Variants in ITGB6 observed in about 807,000 individuals in gnomAD.
The protein encoded by ITGB6 is integrin beta-6.
Under a neutral mutation model 84.5 loss-of-function variants are expected in ITGB6, and 80 were observed. The observed-to-expected ratio is 0.95, with a 90% CI of 0.79 to 1.14. The LOEUF is 1.14. Among genes scored for constraint, ITGB6 ranks in the 50% most tolerant of loss-of-function variants. The pLI is 0.00. For missense variants in ITGB6, 1,006 were observed against 968.0 expected (o/e 1.04, Z -0.52); for synonymous variants, 383 against 354.9 (o/e 1.08, Z -0.89).
chr2:160,158,852 G>A (rs1257690963), intron 7 of ITGB6, among the ~76,000 whole-genome samples: 1 of 152,182 alleles, frequency 6.6e-6, no homozygotes, highest in African/African-American at 2.4e-5. Context: ...TGTAATCCCA[G>A]CACTTTGGGA....
chr2:160,118,701 A>G (rs913909530), intron 12 of ITGB6, among the ~76,000 whole-genome samples: 8 of 151,290 alleles, frequency 5.3e-5, no homozygotes, highest in African/African-American at 1.4e-4. Context: ...AGGGTATTCA[A>G]TTAGGAAAAG....
intron 7 of ITGB6, among the ~76,000 whole-genome samples, chr2:160,144,103 A>C (rs557829368): frequency 3.3e-5 from 5 of 152,308 alleles, no homozygotes; most frequent in African/African-American, 1.2e-4. Context: ...CAGTGGCCTG[A>C]TCATAGCACA....
At chr2:160,177,809 A>G (rs942008517) in intron 4 of ITGB6, among the ~76,000 whole-genome samples, 6 of 152,190 alleles carry the variant, frequency 3.9e-5, no homozygotes, top group Admixed American at 3.9e-4. Context: ...AATTGCCCTT[A>G]GAGCACTTGA....
At chr2:160,129,330 G>C (rs1043234035) in intron 10 of ITGB6, among the ~76,000 whole-genome samples, 11 of 149,922 alleles carry the variant, frequency 7.3e-5, no homozygotes, top group Admixed American at 1.3e-4. Context: ...CACTAACATA[G>C]GTGTTGGATG....
chr2:160,118,669 A>C (rs552853633), intron 12 of ITGB6, among the ~76,000 whole-genome samples: 2 of 151,986 alleles, frequency 1.3e-5, no homozygotes, highest in East Asian at 3.9e-4. Context: ...GGCCAGGGCA[A>C]TTAGGCAGGA....
intron 10 of ITGB6, among the ~76,000 whole-genome samples, chr2:160,134,742 T>C (rs1683632857): frequency 6.6e-6 from 1 of 152,236 alleles, no homozygotes; most frequent in Non-Finnish European, 1.5e-5. Context: ...GATGCAAGGC[T>C]GATTCAACAT....
chr2:160,180,859 C>T (rs892802891), intron 4 of ITGB6, among the ~76,000 whole-genome samples: 1 of 152,122 alleles, frequency 6.6e-6, no homozygotes, highest in African/African-American at 2.4e-5. Flanking sequence ...CAGGGTGGGG[C>T]GTCACCTCAC....
intron 4 of ITGB6, among the ~76,000 whole-genome samples, chr2:160,184,783 G>T (rs555950299): frequency 2.6e-5 from 4 of 152,110 alleles, no homozygotes; most frequent in Admixed American, 2.6e-4. Flanking sequence ...TATCCACCAC[G>T]ATCAAGCTGG....
intron 12 of ITGB6, among the ~76,000 whole-genome samples, chr2:160,119,611 G>A (rs1335803246): frequency 6.6e-6 from 1 of 152,010 alleles, no homozygotes; most frequent in African/African-American, 2.4e-5. Flanking sequence ...CATGGGCAAG[G>A]ACTTCATGTC....
chr2:160,126,516 G>A lies in ITGB6; in HGVS notation c.1746C>T (p.Ser582=), dbSNP rs1244338987. ...AGAGCACTCCATCTTCAGAGACGCA[G>A]GAGTCCGTGCTGGTGGTGCAGTTGC... ...EYCNCTTSTD[S]CVSEDGVLCS... Residue 582 remains serine (S), a synonymous_variant, in exon 11 of 15, where the codon TCC becomes TCT. Transcript: ENST00000283249. The A allele has an allele frequency of 1.9e-6, 3 of 1,614,058 alleles. No individual in the cohort carries two copies. Among genetic ancestry groups the A allele is most frequent in the African/African-American group, 2.7e-5 (2 of 74,942 alleles).
chr2:160,102,249 AC>A (rs1696750327), intron 14 of ITGB6, among the ~76,000 whole-genome samples: 1 of 152,242 alleles, frequency 6.6e-6, no homozygotes, highest in African/African-American at 2.4e-5. Context: ...GAAAAGTGAA[AC>A]CAGTAGGAAC....
At chr2:160,116,349 GC>G (rs1156833014) in intron 12 of ITGB6, among the ~76,000 whole-genome samples, 20 of 149,562 alleles carry the variant, frequency 1.3e-4, no homozygotes, top group Admixed American at 7.3e-4. Flanking sequence ...GAGAGTGGGG[GC>G]CAATATTGAA....
At chr2:160,110,218 T>A (rs1697078879) in intron 13 of ITGB6, among the ~76,000 whole-genome samples, 1 of 152,184 alleles carries the variant, frequency 6.6e-6, no homozygotes, top group Non-Finnish European at 1.5e-5. Flanking sequence ...ACGTAATTAC[T>A]GCCAGACCTA....
intron 13 of ITGB6, 102 bp from the exon 14 acceptor site, chr2:160,107,947 G>C (rs1443444984): frequency 2.0e-6 from 2 of 976,058 alleles, no homozygotes; most frequent in Non-Finnish European, 3.0e-6. Flanking sequence ...TGCAGCAGAG[G>C]ATAAATATTG....
chr2:160,175,447 A>G (rs1045723488), intron 4 of ITGB6, among the ~76,000 whole-genome samples: 4 of 152,358 alleles, frequency 2.6e-5, no homozygotes, highest in Non-Finnish European at 4.4e-5. Flanking sequence ...CACATTCCCA[A>G]CTGGAATCAA....
intron 7 of ITGB6, among the ~76,000 whole-genome samples, chr2:160,167,560 A>G (rs546889878): frequency 7.2e-5 from 11 of 152,322 alleles, no homozygotes; most frequent in Middle Eastern, 3.4e-3. Flanking sequence ...AGATTAGAAG[A>G]CAGGCAAAAT....
intron 4 of ITGB6, among the ~76,000 whole-genome samples, chr2:160,193,742 A>G (rs968456640): frequency 1.3e-5 from 2 of 152,228 alleles, no homozygotes; most frequent in African/African-American, 2.4e-5. Context: ...GACTGTGAAC[A>G]TAAAATCCAA....
rs1194548328 is a variant in ITGB6, at chr2:160,137,668, A to G, written c.1426T>C (p.Cys476Arg). ...CCAGGGTGGCAGGCACACACCCCAC[A>G]CTGGAAAGAGCCGTTCCCGTGGTGA... ...KCHHGNGSFQ[C>R]GVCACHPGHM... Residue 476 changes from cysteine to arginine, a missense_variant, in exon 10 of 15, where the codon TGT becomes CGT. Coordinates refer to ENST00000283249, the MANE Select transcript of ITGB6 (RefSeq NM_000888.5). The G allele has an allele frequency of 5.6e-6, 9 of 1,613,958 alleles. No individual in the cohort carries two copies. In the Admixed American group the frequency reaches 6.7e-5, roughly 12 times the overall value.
intron 10 of ITGB6, among the ~76,000 whole-genome samples, chr2:160,129,253 G>C (rs1307852723): frequency 3.3e-5 from 5 of 152,020 alleles, no homozygotes; most frequent in Non-Finnish European, 7.4e-5. Flanking sequence ...GATTTTAAAA[G>C]TGTTTAAAAT....
Sources: allele counts gnomAD v4.1 joint callset (sites outside exome capture counted in the v4.1 genomes callset), GRCh38; gene constraint gnomAD v4.1.1; transcripts MANE v1.5; gene names NCBI Gene and HGNC (gene_info 2026-07-23, HGNC 2026-07-21).